The following MAPKBP1 variants were observed in gnomAD, a reference collection of about 807,000 sequenced individuals.
The protein encoded by MAPKBP1 is mitogen-activated protein kinase-binding protein 1.
Under a neutral mutation model 170.5 loss-of-function variants are expected in MAPKBP1, and 71 were observed. The ratio of observed to expected loss-of-function variants is 0.42; its 90% CI spans 0.34 to 0.51. MAPKBP1 has a LOEUF of 0.51. MAPKBP1 is among the 20% of genes least tolerant of loss of function. The probability of loss-of-function intolerance (pLI) is 0.06; values close to 1 mark genes in which losing one functional copy is unlikely to be tolerated. For missense variants in MAPKBP1, 1,598 were observed against 1,933.0 expected, an observed-to-expected ratio of 0.83 and a Z score of 3.25; for synonymous variants, 719 against 757.9, an observed-to-expected ratio of 0.95 and a Z score of 0.84.
At position 41,821,014 on chromosome 15, in the gene MAPKBP1, A is replaced by T; in HGVS notation, c.2664A>T (p.Pro888=). Residue 888 remains proline (P), a synonymous_variant, in exon 23 of 31, where the codon CCA becomes CCT. Coordinates refer to ENST00000457542, the MANE Select transcript of MAPKBP1 (RefSeq NM_014994.3). ...GCCAGGACTCGCTGGCCATCATCCC[A>T]TCTGGTCCCAGGAAGCATGGGCAGG... The part of the protein sequence containing the change: ...DPSQDSLAII[P]SGPRKHGQEA... The T allele has an allele frequency of 1.9e-6, 3 of 1,614,100 alleles. No individual in the cohort carries two copies. The highest frequency in any genetic ancestry group is 2.5e-6 in the Non-Finnish European group (3 of 1,180,012).
rs2064999792 is a variant in MAPKBP1 at position 41,821,680 on chromosome 15, C to T, written c.2815C>T (p.Leu939=). 2 of 1,614,178 alleles carry T rather than the reference C, an allele frequency of 1.2e-6. No homozygotes were observed. The highest frequency in any genetic ancestry group is 8.5e-7 in the Non-Finnish European group (1 of 1,180,024). ...AGAGGAAGGGGTCTTTGCCCAAGAT[C>T]TGGAACCTGCACCCATTGAAGATGG... ...SQEEGVFAQD[L]EPAPIEDGIV... is the part of the protein sequence containing the mutation. Residue 939 remains leucine (L), a synonymous_variant, in exon 24 of 31, where the codon CTG becomes TTG. Transcript: ENST00000457542.
intron 2 of MAPKBP1, among the ~76,000 whole-genome samples, chr15:41,779,132 A>T (rs116916788): frequency 6.6e-6 from 1 of 152,192 alleles, no homozygotes; most frequent in African/African-American, 2.4e-5. Context: ...GGTGGGTTTC[A>T]TGAAGGAGAA....
chr15:41,822,990 G>A lies in MAPKBP1; in HGVS notation c.3366G>A (p.Gln1122=), dbSNP rs1440053274. 1 of 1,614,026 alleles carries A rather than the reference G, an allele frequency of 6.2e-7. No individual in the cohort carries two copies. Residue 1122 remains glutamine, a synonymous_variant, in exon 28 of 31, where the codon CAG becomes CAA. Coordinates refer to ENST00000457542, the MANE Select transcript of MAPKBP1 (RefSeq NM_014994.3). ...TGGCACTGATGTCGAGACCAGCCCA[G>A]GTGCCACAGGCATCTGGTGAGCAGC... is the stretch of plus-strand genomic sequence containing the variant. ...SSLALMSRPA[Q]VPQASGEQPR...
rs1042970447 is a variant in MAPKBP1, at chr15:41,818,390, T to C, written c.2092+85T>C. 5.7e-6 allele frequency: 8 copies of C among 1,409,298 alleles called. No homozygotes were observed. In the Admixed American group the frequency reaches 8.6e-5, roughly 15 times the overall value. The allele number at this position is 1,409,298 out of a possible 1,614,324, so 87.3% of individuals were successfully genotyped here. A position where few individuals can be genotyped will look rare whatever the true frequency, so the allele number is the denominator to read the frequency against. The stretch of plus-strand genomic sequence containing the variant: ...CACCCCTGGAACTTCACTCTTCTAT[T>C]AGTTTCTTGGGACCCGCAGAGCTAC... On this transcript the variant is annotated intron_variant, in intron 18 of 30. Coordinates refer to ENST00000457542, the MANE Select transcript of MAPKBP1 (RefSeq NM_014994.3). This position sits in a 1 kb window ranked among gnomAD's most constrained non-coding sequence, Gnocchi z 5.2.
At chr15:41,811,644 C>G (rs994508151) in intron 5 of MAPKBP1, 1 of 625,308 alleles carries the variant, frequency 1.6e-6, no homozygotes, top group Admixed American at 2.1e-5. Context: ...TTACTAGGGG[C>G]AGAAATAGAC....
At chr15:41,781,137 G>A (rs1456451999) in intron 2 of MAPKBP1, among the ~76,000 whole-genome samples, 5 of 150,554 alleles carry the variant, frequency 3.3e-5, no homozygotes, top group Admixed American at 6.6e-5. Flanking sequence ...GTGCAGTGGC[G>A]TGATCTCAGC....
At chr15:41,777,326 G>GC (rs2064114703) in intron 2 of MAPKBP1, among the ~76,000 whole-genome samples, 1 of 147,174 alleles carries the variant, frequency 6.8e-6, no homozygotes, top group African/African-American at 2.5e-5. Context: ...GGGTAACAGA[G>GC]CAAGACTCCG....
At chr15:41,788,898 T>A (rs1159084913) in intron 2 of MAPKBP1, among the ~76,000 whole-genome samples, 1 of 152,146 alleles carries the variant, frequency 6.6e-6, no homozygotes, top group Admixed American at 6.5e-5. Flanking sequence ...GAGTCTATAG[T>A]AAGGAAATTG....
At chr15:41,819,180 C>T in intron 20 of MAPKBP1, 66 bp from the exon 21 acceptor site, 1 of 1,579,570 alleles carries the variant, frequency 6.3e-7, no homozygotes, top group South Asian at 1.1e-5. Flanking sequence ...TCCTTCTTCC[C>T]CCACTGAGCC....
At chr15:41,819,870 T>C (rs966667305) in intron 22 of MAPKBP1, among the ~76,000 whole-genome samples, 1 of 151,854 alleles carries the variant, frequency 6.6e-6, no homozygotes, top group Non-Finnish European at 1.5e-5. Context: ...TGTGGACCAG[T>C]TGGGGTGGAT....
intron 3 of MAPKBP1, among the ~76,000 whole-genome samples, chr15:41,810,176 G>C (rs2064777738): frequency 6.6e-6 from 1 of 152,220 alleles, no homozygotes; most frequent in South Asian, 2.1e-4. Context: ...TGAACGGGCT[G>C]TGCACCCGAG....
chr15:41,812,405 G>T (rs1845023123), intron 6 of MAPKBP1, 111 bp from the exon 7 acceptor site: 2 of 1,473,090 alleles, frequency 1.4e-6, no homozygotes, highest in Middle Eastern at 1.7e-4. Flanking sequence ...GTAAATTCTG[G>T]AAAGAAACAC....
At chr15:41,774,637 T>G in intron 1 of MAPKBP1, 27 bp downstream of exon 1, 1 of 398,698 alleles carries the variant, frequency 2.5e-6, no homozygotes, top group Non-Finnish European at 4.4e-6. Flanking sequence ...ACGGGGGCGC[T>G]GACGAGTAGC....
At chr15:41,819,556 G>GGGGGA (rs151281998) in intron 21 of MAPKBP1, 39 bp from the exon 22 acceptor site, 2 of 1,347,674 alleles carry the variant, frequency 1.5e-6, no homozygotes, top group South Asian at 1.2e-5. Flanking sequence ...GCGGGGGGGG[G>GGGGGA]GCAGGAGACA....
chr15:41,810,240 TATGCAC>T (rs2064778595), intron 3 of MAPKBP1, among the ~76,000 whole-genome samples: 1 of 152,192 alleles, frequency 6.6e-6, no homozygotes, highest in Non-Finnish European at 1.5e-5. Context: ...CTTCCTGGGG[TATGCAC>T]AAGGGCTGCG....
chr15:41,794,928 G>A (rs1307731062), intron 2 of MAPKBP1, among the ~76,000 whole-genome samples: 1 of 152,114 alleles, frequency 6.6e-6, no homozygotes, highest in Non-Finnish European at 1.5e-5. Context: ...ACTTTGGGAG[G>A]CCGAGGCGGG....
Position 41,806,813 on chromosome 15 carries a change from G to A in MAPKBP1, c.207-4070G>A, listed in dbSNP as rs146653534. Among the ~76,000 whole-genome samples, 315 of 152,220 alleles carry A rather than the reference G, an allele frequency of 2.1e-3. 1 individual carries two copies. Among genetic ancestry groups the A allele is most frequent in the African/African-American group, 7.1e-3 (295 of 41,538 alleles). ...GAAAGATTGATACAAACTGTGCCCC[G>A]CACTCCTCTCCCCAGCTGACCTAGG... On this transcript the variant is annotated intron_variant, in intron 3 of 30. Coordinates refer to ENST00000457542, the MANE Select transcript of MAPKBP1 (RefSeq NM_014994.3).
chr15:41,809,041 T>A (rs1458265341), intron 3 of MAPKBP1, among the ~76,000 whole-genome samples: 1 of 128,278 alleles, frequency 7.8e-6, no homozygotes, highest in Non-Finnish European at 1.6e-5. Flanking sequence ...GCCACTGCAG[T>A]CCAGCCTGGG....
intron 2 of MAPKBP1, among the ~76,000 whole-genome samples, chr15:41,794,464 G>A (rs2064450750): frequency 6.6e-6 from 1 of 152,060 alleles, no homozygotes; most frequent in South Asian, 2.1e-4. Context: ...TAAAGACGTG[G>A]AATAATAGGC....
Sources: gnomAD v4.1 joint callset for allele counts (sites outside exome capture counted in the v4.1 genomes callset) on GRCh38, gnomAD v4.1.1 for gene constraint, Gnocchi (gnomAD v3.1) non-coding constraint, MANE v1.5 for transcripts, NCBI Gene and HGNC (gene_info 2026-07-23, HGNC 2026-07-21) for gene names.